Variants in FOXK1 observed in about 807,000 individuals in gnomAD.
FOXK1 encodes the protein forkhead box protein K1.
A neutral mutation model predicts 51.9 loss-of-function variants in FOXK1; 19 were observed. The ratio of observed to expected loss-of-function variants is 0.37; its 90% CI spans 0.26 to 0.54. FOXK1 has a LOEUF of 0.54. Among genes scored for constraint, FOXK1 ranks in the 20% least tolerant of loss-of-function variants. The pLI is 0.87. For synonymous variants in FOXK1, 537 were observed against 482.6 expected, an observed-to-expected ratio of 1.11 and a Z score of -1.48; for missense variants, 870 against 1,032.7, an observed-to-expected ratio of 0.84 and a Z score of 2.16.
chr7:4,692,290 C>G (rs1779902800), intron 1 of FOXK1, among the ~76,000 whole-genome samples: 1 of 152,182 alleles, frequency 6.6e-6, no homozygotes. Flanking sequence ...GAAAAGCCAG[C>G]CTCCTGCAGA....
chr7:4,728,871 A>G (rs905840363), intron 1 of FOXK1, among the ~76,000 whole-genome samples: 5 of 152,216 alleles, frequency 3.3e-5, no homozygotes, highest in Non-Finnish European at 7.3e-5. Flanking sequence ...CGCAAAGTCT[A>G]TGCAGATAAA....
chr7:4,740,940 G>C lies in FOXK1; in HGVS notation c.663G>C (p.Gln221His), dbSNP rs997012210. 2 of 1,582,242 alleles carry C rather than the reference G, an allele frequency of 1.3e-6. No homozygotes were observed. Among genetic ancestry groups the C allele is most frequent in the Non-Finnish European group, 1.7e-6 (2 of 1,166,728 alleles). ...CCCCGCTGCGGCCACTGTACCCCCAGATCTCCCCTCTGAAGATCCACATCC... is the reference window on the plus strand; with the variant it reads ...CCCCGCTGCGGCCACTGTACCCCCACATCTCCCCTCTGAAGATCCACATCC... ...PASPLRPLYPQISPLKIHIPE... is the reference protein window; with the variant it reads ...PASPLRPLYPHISPLKIHIPE... Residue 221 changes from glutamine (Q) to histidine (H), a missense_variant, in exon 2 of 9, where the codon CAG (glutamine) becomes CAC (histidine). Coordinates refer to ENST00000328914, the MANE Select transcript of FOXK1 (RefSeq NM_001037165.2).
Position 4,710,455 on chromosome 7 carries a change from A to G in FOXK1, c.560+27587A>G, listed in dbSNP as rs543718658. On this transcript the variant is annotated intron_variant, in intron 1 of 8. Coordinates refer to ENST00000328914, the MANE Select transcript of FOXK1 (RefSeq NM_001037165.2). ...CTGGGCGTGGTGAGGGGTGCCTGTA[A>G]TCCCAGCTCCTCCGGAGGCCGAGGC... Among the ~76,000 whole-genome samples, 23 of 152,290 alleles carry G rather than the reference A, an allele frequency of 1.5e-4. No individual in the cohort carries two copies. In the South Asian group the frequency reaches 1.9e-3, roughly 12 times the overall value.
chr7:4,690,518 AT>A (rs1779878021), intron 1 of FOXK1, among the ~76,000 whole-genome samples: 1 of 152,240 alleles, frequency 6.6e-6, no homozygotes, highest in African/African-American at 2.4e-5. Flanking sequence ...ACTTTCTAGT[AT>A]TTGGTGTACG....
At chr7:4,738,093 C>T (rs1328456284) in intron 1 of FOXK1, among the ~76,000 whole-genome samples, 1 of 126,996 alleles carries the variant, frequency 7.9e-6, no homozygotes, top group Non-Finnish European at 1.7e-5. Flanking sequence ...TTGCACTCCA[C>T]CCTGGGCAAT....
intron 1 of FOXK1, among the ~76,000 whole-genome samples, chr7:4,718,807 GT>G (rs1260122401): frequency 6.6e-6 from 1 of 152,110 alleles, no homozygotes; most frequent in South Asian, 2.1e-4. Context: ...TGTAGCTTTT[GT>G]TTTTTTGTTT....
At chr7:4,751,661 G>C (rs1178812222) in intron 2 of FOXK1, among the ~76,000 whole-genome samples, 1 of 152,242 alleles carries the variant, frequency 6.6e-6, no homozygotes, top group African/African-American at 2.4e-5. Context: ...AGTTGAATGG[G>C]GCTTATTGAG....
rs73048412 is a variant in FOXK1, at chr7:4,683,976, G to T, written c.560+1108G>T. Reference sequence around the variant, plus strand: ...CCCCAAGATCAAATTAGATTCCCCCGGGCCCGAGGTCACCAGGGCAGAGAG... The same window carrying T: ...CCCCAAGATCAAATTAGATTCCCCCTGGCCCGAGGTCACCAGGGCAGAGAG... On this transcript the variant is annotated intron_variant, in intron 1 of 8. Transcript: ENST00000328914. This position sits in a 1 kb window ranked among gnomAD's most constrained non-coding sequence, Gnocchi z 4.5. 6.6e-6 allele frequency among the ~76,000 whole-genome samples: 1 copy of T among 152,090 alleles called. No individual in the cohort carries two copies. The highest frequency in any genetic ancestry group is 2.4e-5 in the African/African-American group (1 of 41,406).
chr7:4,744,707 G>A (rs548699133), intron 2 of FOXK1, among the ~76,000 whole-genome samples: 2 of 152,378 alleles, frequency 1.3e-5, no homozygotes, highest in South Asian at 2.1e-4. Context: ...CAGGGGGTGC[G>A]AGCAGCTCCC....
At position 4,765,244 on chromosome 7, in the gene FOXK1, G is replaced by A; in HGVS notation, c.*2780G>A. The A allele has an allele frequency of 6.6e-6, 1 of 152,464 alleles. No individual in the cohort carries two copies. Among genetic ancestry groups the A allele is most frequent in the Non-Finnish European group, 1.5e-5 (1 of 68,126 alleles). The allele number at this position is 152,464 out of a possible 1,614,324, so 9.4% of individuals were successfully genotyped here. A position where few individuals can be genotyped will look rare whatever the true frequency, so the allele number is the denominator to read the frequency against. ...CAGGTACCATGCCTGGCTCATGCCG[G>A]AACTTGTCTTGGAACCGGTAGCCAG... On this transcript the variant is annotated 3_prime_UTR_variant, in exon 9 of 9. Transcript: ENST00000328914.
At chr7:4,685,768 C>A (rs544313033) in intron 1 of FOXK1, among the ~76,000 whole-genome samples, 3 of 151,926 alleles carry the variant, frequency 2.0e-5, no homozygotes, top group Admixed American at 2.0e-4. Flanking sequence ...TGTGGCAAAA[C>A]CCTGTCTCTA....
intron 1 of FOXK1, among the ~76,000 whole-genome samples, chr7:4,728,088 G>T (rs1780403464): frequency 6.6e-6 from 1 of 152,192 alleles, no homozygotes; most frequent in African/African-American, 2.4e-5. Context: ...CCAGGGGACT[G>T]CCCTGGCCCT....
rs971857277 is a variant in FOXK1, at chr7:4,743,851, A to G, written c.746+2828A>G. Among the ~76,000 whole-genome samples the G allele has an allele frequency of 6.6e-6, 1 of 151,102 alleles. No homozygotes were observed. The highest frequency in any genetic ancestry group is 1.5e-5 in the Non-Finnish European group (1 of 67,928). The stretch of plus-strand genomic sequence containing the variant: ...TTAGCCTGGGAGTGGGTTATTAATC[A>G]GCAGGTTGTAATCCAGCTAAACAGA... On this transcript the variant is annotated intron_variant, in intron 2 of 8. Transcript: ENST00000328914. The surrounding 1 kb of genome is among the most constrained non-coding windows in gnomAD (Gnocchi z 5.3).
At chr7:4,686,746 A>G (rs1046597778) in intron 1 of FOXK1, among the ~76,000 whole-genome samples, 10 of 152,084 alleles carry the variant, frequency 6.6e-5, no homozygotes, top group African/African-American at 2.4e-4. Context: ...ATTAATGACC[A>G]CATGAATTTG....
chr7:4,699,088 G>T (rs1779988384), intron 1 of FOXK1, among the ~76,000 whole-genome samples: 1 of 151,974 alleles, frequency 6.6e-6, no homozygotes, highest in Non-Finnish European at 1.5e-5. Flanking sequence ...CTGTTGTCCT[G>T]TGTTTTTAGT....
Position 4,711,885 on chromosome 7 carries a change from G to A in FOXK1, c.561-28953G>A, listed in dbSNP as rs1780178696. Among the ~76,000 whole-genome samples the A allele has an allele frequency of 6.6e-6, 1 of 152,170 alleles. No individual in the cohort carries two copies. The highest frequency in any genetic ancestry group is 2.4e-5 in the African/African-American group (1 of 41,448). The stretch of plus-strand genomic sequence containing the variant: ...ACCTGTGAGCTGGGCCTGGAGCTGA[G>A]GCAGAACTTGATGGACTATGACTCA... On this transcript the variant is annotated intron_variant, in intron 1 of 8. Coordinates refer to ENST00000328914, the MANE Select transcript of FOXK1 (RefSeq NM_001037165.2). The surrounding 1 kb of genome is among the most constrained non-coding windows in gnomAD (Gnocchi z 6.3).
chr7:4,725,701 G>A (rs558362449), intron 1 of FOXK1, among the ~76,000 whole-genome samples: 1 of 152,262 alleles, frequency 6.6e-6, no homozygotes, highest in East Asian at 1.9e-4. Context: ...AGTGGGTGGC[G>A]ATGCCACTTA....
rs1366182978 is a variant in FOXK1, at chr7:4,762,320, T to C, written c.2058T>C (p.Thr686=). 6.4e-7 allele frequency: 1 copy of C among 1,550,484 alleles called. No homozygotes were observed. Among genetic ancestry groups the C allele is most frequent in the Non-Finnish European group, 8.7e-7 (1 of 1,146,816 alleles). Residue 686 remains threonine, a synonymous_variant, in exon 9 of 9, where the codon ACT becomes ACC. Coordinates refer to ENST00000328914, the MANE Select transcript of FOXK1 (RefSeq NM_001037165.2). This position sits in a 1 kb window ranked among gnomAD's most constrained non-coding sequence, Gnocchi z 5.7. ...CCACGGCCACCACCACCCCAGCCAC[T>C]GCCACCACCGCCTCTGCCTCCGCCT... is the stretch of plus-strand genomic sequence containing the variant. ...VAATATTTPA[T]ATTASASASS...
chr7:4,758,765 C>T lies in FOXK1; in HGVS notation c.1245-286C>T, dbSNP rs1399496306. 7.6e-6 allele frequency: 3 copies of T among 395,064 alleles called. No individual in the cohort carries two copies. Among genetic ancestry groups the T allele is most frequent in the Non-Finnish European group, 1.4e-5 (3 of 221,434 alleles). The allele number at this position is 395,064 out of a possible 1,614,324, so 24.5% of individuals were successfully genotyped here. On this transcript the variant is annotated intron_variant, in intron 5 of 8. Coordinates refer to ENST00000328914, the MANE Select transcript of FOXK1 (RefSeq NM_001037165.2). This position sits in a 1 kb window ranked among gnomAD's most constrained non-coding sequence, Gnocchi z 4.4. ...CCATTTTCATGGACACCTGGCTGGA[C>T]CTCGGTGGAAGTGAACTCCGTAGGT...
Sources: allele counts gnomAD v4.1 joint callset (sites outside exome capture counted in the v4.1 genomes callset), GRCh38; gene constraint gnomAD v4.1.1; non-coding constraint Gnocchi (gnomAD v3.1); transcripts MANE v1.5; gene names NCBI Gene and HGNC (gene_info 2026-07-23, HGNC 2026-07-21).